SSC4D: variants seen among roughly 807,000 people sequenced by gnomAD.
SSC4D encodes the protein scavenger receptor cysteine rich family member with 4 domains, also known as scavenger receptor cysteine-rich domain-containing group B protein.
In SSC4D, 57 loss-of-function variants were observed where a neutral mutation model predicts 63.4. The ratio of observed to expected loss-of-function variants is 0.90; its 90% CI spans 0.73 to 1.12. The LOEUF is 1.12. Ranked by LOEUF, SSC4D falls within the 50% of genes most tolerant of loss-of-function variation. The pLI is 0.00. For missense variants in SSC4D, 791 were observed against 806.4 expected (o/e 0.98, Z 0.23); for synonymous variants, 352 against 345.4 (o/e 1.02, Z -0.21).
rs192608550 is a variant in SSC4D at position 76,390,380 on chromosome 7, G to T, written c.1412-5C>A. The T allele has an allele frequency of 6.2e-4, 967 of 1,570,300 alleles. 5 individuals are homozygous for T. In the Admixed American group the frequency reaches 0.015, roughly 24 times the overall value. On this transcript the variant is annotated splice_polypyrimidine_tract_variant and splice_region_variant and intron_variant, in intron 10 of 10. Coordinates refer to ENST00000275560, the MANE Select transcript of SSC4D (RefSeq NM_080744.2). Reference sequence around the variant, plus strand: ...CATTGACCAGACGTAGATGCCCTGTGGGGGGACAGGGCTGGGTTGGAAGGG... The same window carrying T: ...CATTGACCAGACGTAGATGCCCTGTTGGGGGACAGGGCTGGGTTGGAAGGG...
chr7:76,401,243 G>A (rs1192810786), intron 2 of SSC4D, among the ~76,000 whole-genome samples, 200 bp from the exon 3 acceptor site: 2 of 151,956 alleles, frequency 1.3e-5, no homozygotes, highest in African/African-American at 4.8e-5. Context: ...TCTCCTAGTG[G>A]TCCCTGGGCC....
Position 76,397,505 on chromosome 7 carries a change from C to T in SSC4D, c.868+13G>A. ...CCTGCCCCGGCCCCGCCCATCGCCC[C>T]TAGAGCCCGCACCTGCGCAGAGCGC... On this transcript the variant is annotated intron_variant, in intron 6 of 10. Coordinates refer to ENST00000275560, the MANE Select transcript of SSC4D (RefSeq NM_080744.2). 1 of 1,505,734 alleles carries T rather than the reference C, an allele frequency of 6.6e-7. No homozygotes were observed. The highest frequency in any genetic ancestry group is 1.3e-5 in the South Asian group (1 of 77,258). The allele number at this position is 1,505,734 out of a possible 1,614,324, so 93.3% of individuals were successfully genotyped here. A position where few individuals can be genotyped will look rare whatever the true frequency, so the allele number is the denominator to read the frequency against.
chr7:76,406,403 G>A (rs1362889461), intron 1 of SSC4D, among the ~76,000 whole-genome samples: 1 of 152,072 alleles, frequency 6.6e-6, no homozygotes, highest in East Asian at 1.9e-4. Context: ...TTCTAAAAAG[G>A]ACTCTGGTTT....
At chr7:76,404,116 C>T (rs1346260912) in intron 2 of SSC4D, among the ~76,000 whole-genome samples, 191 bp downstream of exon 2, 3 of 152,150 alleles carry the variant, frequency 2.0e-5, no homozygotes, top group Admixed American at 1.3e-4. Context: ...TTACCTGTCA[C>T]CTCCAGTACT....
chr7:76,401,195 T>C (rs1804816421), intron 2 of SSC4D, 152 bp from the exon 3 acceptor site: 1 of 1,163,952 alleles, frequency 8.6e-7, no homozygotes, highest in African/African-American at 1.6e-5. Flanking sequence ...CATTGTCTCT[T>C]TCTCTGACTG....
chr7:76,394,008 C>T (rs1804571011), intron 7 of SSC4D, 104 bp from the exon 8 acceptor site: 3 of 1,154,744 alleles, frequency 2.6e-6, no homozygotes, highest in Non-Finnish European at 3.7e-6. Context: ...CTACCACACC[C>T]GTACCCCCAC....
At chr7:76,402,093 C>T (rs1306280771) in intron 2 of SSC4D, among the ~76,000 whole-genome samples, 1 of 151,806 alleles carries the variant, frequency 6.6e-6, no homozygotes, top group Non-Finnish European at 1.5e-5. Context: ...GATCATAGCT[C>T]ACTGCACCCT....
chr7:76,391,596 G>A (rs571314377), intron 10 of SSC4D, among the ~76,000 whole-genome samples: 1 of 152,010 alleles, frequency 6.6e-6, no homozygotes. Context: ...CCCAGCCCCA[G>A]GCCGGCTGTT....
At chr7:76,402,182 A>ATTTTTTTTTTT (rs57389874) in intron 2 of SSC4D, among the ~76,000 whole-genome samples, 1 of 127,234 alleles carries the variant, frequency 7.9e-6, no homozygotes, top group Non-Finnish European at 1.7e-5. Flanking sequence ...CTGCCCAGCT[A>ATTTTTTTTTTT]TTTTTTTTTT....
intron 7 of SSC4D, 112 bp from the exon 8 acceptor site, chr7:76,394,016 C>CA (rs1204415976): frequency 9.4e-7 from 1 of 1,060,154 alleles, no homozygotes; most frequent in South Asian, 1.6e-5. Flanking sequence ...CCCGTACCCC[C>CA]ACTCAGCTGC....
chr7:76,390,371 A>C lies in SSC4D; in HGVS notation c.1416T>G (p.His472Gln). The C allele has an allele frequency of 6.3e-7, 1 of 1,581,476 alleles. No individual in the cohort carries two copies. ...RVPTPRPRDG[H>Q]LRLVNGAHRC... ...GGTGGGCTCCATTGACCAGACGTAGATGCCCTGTGGGGGGACAGGGCTGGG... is the reference window on the plus strand; with the variant it reads ...GGTGGGCTCCATTGACCAGACGTAGCTGCCCTGTGGGGGGACAGGGCTGGG... The change falls in exon 11 of 11, where the codon CAT (histidine) becomes CAG (glutamine). Residue 472 changes from histidine to glutamine, a missense_variant. By Grantham distance (24) the His-to-Gln change is conservative. Transcript: ENST00000275560.
chr7:76,397,961 C>T (rs1179066825), intron 5 of SSC4D, 129 bp from the exon 6 acceptor site: 43 of 976,352 alleles, frequency 4.4e-5, no homozygotes, highest in East Asian at 8.2e-5. Flanking sequence ...CCCAGGGTAC[C>T]GCCTCCTTGG....
At chr7:76,392,071 T>C in intron 9 of SSC4D, 30 bp from the exon 10 acceptor site, 3 of 1,553,474 alleles carry the variant, frequency 1.9e-6, no homozygotes, top group Non-Finnish European at 8.7e-7. Context: ...GATAAAGAGG[T>C]GGCTCTCACA....
chr7:76,396,466 A>G (rs1450025124), intron 6 of SSC4D, among the ~76,000 whole-genome samples: 1 of 152,244 alleles, frequency 6.6e-6, no homozygotes, highest in Non-Finnish European at 1.5e-5. Context: ...TACTCTGGGC[A>G]CACTGCCTAT....
chr7:76,399,999 C>T (rs1804762834), intron 4 of SSC4D, among the ~76,000 whole-genome samples: 1 of 152,102 alleles, frequency 6.6e-6, no homozygotes, highest in Non-Finnish European at 1.5e-5. Flanking sequence ...TCCAAAATCT[C>T]TAAAAAAATT....
At chr7:76,394,815 G>A (rs867374019) in intron 7 of SSC4D, among the ~76,000 whole-genome samples, 16 of 132,404 alleles carry the variant, frequency 1.2e-4, no homozygotes, top group South Asian at 2.4e-4. Flanking sequence ...TAAAATATGT[G>A]TATAATATAT....
At chr7:76,405,271 TTATA>T (rs1171830870) in intron 1 of SSC4D, among the ~76,000 whole-genome samples, 125 of 9,118 alleles carry the variant, frequency 0.014, no homozygotes, top group East Asian at 0.047. Context: ...ACCCAGCTAA[TTATA>T]TATATATATA....
chr7:76,405,302 T>TGTATATATATATATATAC (rs1804970261), intron 1 of SSC4D, among the ~76,000 whole-genome samples: 1 of 58,366 alleles, frequency 1.7e-5, no homozygotes, highest in Non-Finnish European at 3.2e-5. Flanking sequence ...TATATATATA[T>TGTATATATATATATATAC]ATATATATAT....
intron 2 of SSC4D, among the ~76,000 whole-genome samples, chr7:76,401,633 T>C (rs1242479596): frequency 6.6e-6 from 1 of 152,156 alleles, no homozygotes; most frequent in Non-Finnish European, 1.5e-5. Context: ...GCCAGGCTGG[T>C]CTTGAACTCC....
Sources: allele counts gnomAD v4.1 joint callset (sites outside exome capture counted in the v4.1 genomes callset), GRCh38; gene constraint gnomAD v4.1.1; transcripts MANE v1.5; gene names NCBI Gene and HGNC (gene_info 2026-07-23, HGNC 2026-07-21).